Variants in STX12 observed in about 807,000 individuals in gnomAD.
The protein encoded by STX12 is syntaxin 12.
A neutral mutation model predicts 42.2 loss-of-function variants in STX12; 17 were observed. The ratio of observed to expected loss-of-function variants is 0.40; its 90% confidence interval spans 0.28 to 0.60. The LOEUF (loss-of-function observed/expected upper bound fraction) is 0.60. Ranked by LOEUF, STX12 falls within the 20% of genes least tolerant of loss-of-function variation. STX12 has a pLI of 0.39. For synonymous variants in STX12, 108 were observed against 116.7 expected, an observed-to-expected ratio of 0.93 and a Z score of 0.48; for missense variants, 297 against 330.9, an observed-to-expected ratio of 0.90 and a Z score of 0.79.
At chr1:27,807,020 G>A (rs1557805021) in intron 4 of STX12, among the ~76,000 whole-genome samples, 1 of 152,050 alleles carries the variant, frequency 6.6e-6, no homozygotes, top group African/African-American at 2.4e-5. Flanking sequence ...TTTGAGTGGG[G>A]ACATAGAGCC....
intron 3 of STX12, among the ~76,000 whole-genome samples, chr1:27,796,846 T>C (rs562297165): frequency 7.4e-5 from 11 of 149,280 alleles, no homozygotes; most frequent in Admixed American, 6.0e-4. Context: ...GCTGGGATTA[T>C]AGGCATGTGC....
At chr1:27,811,130 G>T (rs2088900499) in intron 5 of STX12, among the ~76,000 whole-genome samples, 1 of 151,712 alleles carries the variant, frequency 6.6e-6, no homozygotes, top group African/African-American at 2.4e-5. Context: ...GACCAGCCTG[G>T]CCAACATGGT....
chr1:27,807,046 C>G (rs2088866805), intron 4 of STX12, among the ~76,000 whole-genome samples: 1 of 152,054 alleles, frequency 6.6e-6, no homozygotes, highest in Non-Finnish European at 1.5e-5. Flanking sequence ...ATATCACTAC[C>G]ATTGCCTTTT....
At position 27,773,306 on chromosome 1, in the gene STX12, T is replaced by A. The variant is rs956199764; in HGVS notation, c.-2T>A. The A allele has an allele frequency of 1.3e-6, 2 of 1,574,372 alleles. No individual in the cohort carries two copies. Among genetic ancestry groups the A allele is most frequent in the Non-Finnish European group, 1.7e-6 (2 of 1,156,164 alleles). ...AGAGCGAGCAGGTCTCAGCTCCTCG[T>A]CATGTCATACGGTCCCTTAGACATG... On this transcript the variant is annotated 5_prime_UTR_variant, in exon 1 of 9. Coordinates refer to ENST00000373943, the MANE Select transcript of STX12 (RefSeq NM_177424.3).
chr1:27,795,493 A>T (rs1330004106), intron 3 of STX12, among the ~76,000 whole-genome samples: 2 of 151,926 alleles, frequency 1.3e-5, no homozygotes, highest in Non-Finnish European at 2.9e-5. Context: ...TTTAGTAGAG[A>T]TGGGGTTTTG....
rs185622712 is a variant in STX12, at chr1:27,785,729, A to C, written c.119-3833A>C. Among the ~76,000 whole-genome samples, 209 of 152,278 alleles carry C rather than the reference A, an allele frequency of 1.4e-3. 1 individual carries two copies. Among genetic ancestry groups the C allele is most frequent in the African/African-American group, 4.9e-3 (202 of 41,556 alleles). Reference sequence around the variant, plus strand: ...TTCCTAGCTTATATTCTTCATTCATATCTTCTGCCTCAAAGAGCTTGCCAG... The same window carrying C: ...TTCCTAGCTTATATTCTTCATTCATCTCTTCTGCCTCAAAGAGCTTGCCAG... On this transcript the variant is annotated intron_variant, in intron 1 of 8. Transcript: ENST00000373943.
intron 3 of STX12, among the ~76,000 whole-genome samples, chr1:27,798,343 G>A (rs1279228542): frequency 6.6e-6 from 1 of 151,586 alleles, no homozygotes; most frequent in African/African-American, 2.4e-5. Context: ...CCCAGCCCGG[G>A]CAACATCTCT....
intron 4 of STX12, among the ~76,000 whole-genome samples, chr1:27,804,125 A>T (rs1557804345): frequency 6.6e-6 from 1 of 152,064 alleles, no homozygotes; most frequent in East Asian, 2.0e-4. Context: ...TTACACTCTT[A>T]AAAATCATTA....
At chr1:27,791,725 G>T (rs2088742568) in intron 2 of STX12, among the ~76,000 whole-genome samples, 1 of 152,060 alleles carries the variant, frequency 6.6e-6, no homozygotes, top group East Asian at 1.9e-4. Flanking sequence ...TGAGGCAGGG[G>T]AATCGCTTGA....
rs182508037 is a variant in STX12 at position 27,795,464 on chromosome 1, C to T, written c.288+1832C>T. Among the ~76,000 whole-genome samples, 124 of 152,172 alleles carry T rather than the reference C, an allele frequency of 8.1e-4. 1 individual carries two copies. Among genetic ancestry groups the T allele is most frequent in the African/African-American group, 2.8e-3 (118 of 41,502 alleles). On this transcript the variant is annotated intron_variant, in intron 3 of 8. Transcript: ENST00000373943. ...GGGATTGCAGGCACCCACTACCACG[C>T]TCGGCTAATTTTTGTATTTTTAGTA...
intron 8 of STX12, among the ~76,000 whole-genome samples, chr1:27,821,551 C>T (rs779148679): frequency 2.1e-5 from 3 of 145,978 alleles, no homozygotes; most frequent in Non-Finnish European, 2.9e-5. Context: ...TTTCTCCCTC[C>T]GCTTGCTGTA....
At chr1:27,812,130 G>T in intron 5 of STX12, 33 bp from the exon 6 acceptor site, 2 of 1,525,216 alleles carry the variant, frequency 1.3e-6, no homozygotes, top group South Asian at 2.4e-5. Flanking sequence ...CCTTTGAGAG[G>T]AGAAATCACC....
intron 3 of STX12, among the ~76,000 whole-genome samples, chr1:27,794,953 G>A (rs146994146): frequency 2.0e-5 from 3 of 152,182 alleles, no homozygotes; most frequent in Admixed American, 1.3e-4. Context: ...AAACTCCTGG[G>A]CTCAAGTGAT....
chr1:27,809,110 C>T (rs1157929976), intron 4 of STX12, among the ~76,000 whole-genome samples: 13 of 152,032 alleles, frequency 8.6e-5, no homozygotes, highest in African/African-American at 3.1e-4. Flanking sequence ...CCGAGGCAGG[C>T]GGATCACGAG....
At chr1:27,821,119 T>G (rs1301133082) in intron 8 of STX12, among the ~76,000 whole-genome samples, 4 of 151,296 alleles carry the variant, frequency 2.6e-5, no homozygotes, top group East Asian at 1.9e-4. Flanking sequence ...TATACATATG[T>G]AACTAACCTG....
rs147778653 is a variant in STX12 at position 27,802,868 on chromosome 1, A to G, written c.426+1053A>G. Among the ~76,000 whole-genome samples, 48 of 152,364 alleles carry G rather than the reference A, an allele frequency of 3.2e-4. 1 individual carries two copies. The highest frequency in any genetic ancestry group is 8.5e-4 in the Admixed American group (13 of 15,300). ...TAAGACAACTATACTTATTGTGTTT[A>G]AAGACATAAAAGGCTGAAAACCTCT... On this transcript the variant is annotated intron_variant, in intron 4 of 8. Transcript: ENST00000373943.
intron 1 of STX12, among the ~76,000 whole-genome samples, chr1:27,786,968 A>G (rs2088703110): frequency 6.6e-6 from 1 of 152,224 alleles, no homozygotes; most frequent in African/African-American, 2.4e-5. Context: ...ATCTTAGCAG[A>G]ATGCAGTAAT....
chr1:27,800,137 G>A lies in STX12; in HGVS notation c.289-1541G>A, dbSNP rs191640167. Among the ~76,000 whole-genome samples the A allele has an allele frequency of 3.7e-4, 56 of 152,314 alleles. No homozygotes were observed. The Middle Eastern group carries it at 0.01, about 28-fold the overall frequency. On this transcript the variant is annotated intron_variant, in intron 3 of 8. Coordinates refer to ENST00000373943, the MANE Select transcript of STX12 (RefSeq NM_177424.3). ...ATTTTAGCTACTCTCATTACTAAAC[G>A]TGTAGTTCCAACCAAACAGTCTGTC...
chr1:27,779,394 C>T (rs896712846), intron 1 of STX12, among the ~76,000 whole-genome samples: 16 of 150,162 alleles, frequency 1.1e-4, no homozygotes, highest in East Asian at 3.9e-4. Flanking sequence ...AGTGCCATGG[C>T]GCAATCTTGG....
Sources: gnomAD v4.1 joint callset for allele counts (sites outside exome capture counted in the v4.1 genomes callset) on GRCh38, gnomAD v4.1.1 for gene constraint, MANE v1.5 for transcripts, NCBI Gene and HGNC (gene_info 2026-07-23, HGNC 2026-07-21) for gene names.